The following ANKRD12 variants were observed in gnomAD, a reference collection of about 807,000 sequenced individuals.
ANKRD12 encodes the protein ankyrin repeat domain 12, also known as ankyrin repeat domain-containing protein 12.
Under a neutral mutation model 183.4 loss-of-function variants are expected in ANKRD12, and 85 were observed. That is an observed-to-expected ratio of 0.46 (90% CI 0.39 to 0.56). The LOEUF is 0.56. ANKRD12 is among the 20% of genes least tolerant of loss of function. ANKRD12 has a pLI of 0.00. For synonymous variants in ANKRD12, 914 were observed against 800.2 expected, an observed-to-expected ratio of 1.14 and a Z score of -2.40; for missense variants, 2,405 against 2,357.1, an observed-to-expected ratio of 1.02 and a Z score of -0.42.
At chr18:9,277,635 G>A (rs903503970) in intron 11 of ANKRD12, among the ~76,000 whole-genome samples, 2 of 151,740 alleles carry the variant, frequency 1.3e-5, no homozygotes, top group Non-Finnish European at 2.9e-5. Flanking sequence ...CCGACACCCT[G>A]TTTCTTAAAA....
Position 9,285,093 on chromosome 18 carries a change from C to T in ANKRD12, c.*3967C>T, listed in dbSNP as rs2040192692. 6.6e-6 allele frequency: 1 copy of T among 152,194 alleles called. No homozygotes were observed. Among genetic ancestry groups the T allele is most frequent in the South Asian group, 2.1e-4 (1 of 4,832 alleles). The allele number at this position is 152,194 out of a possible 1,614,324, so 9.4% of individuals were successfully genotyped here. On this transcript the variant is annotated 3_prime_UTR_variant, in exon 13 of 13. Coordinates refer to ENST00000262126, the MANE Select transcript of ANKRD12 (RefSeq NM_015208.5). ...GTGTGGCCGCGGGCGCCTGTAGTTCCAGCTACTCGGGAGGCTGAGGCAGGA... is the reference window on the plus strand; with the variant it reads ...GTGTGGCCGCGGGCGCCTGTAGTTCTAGCTACTCGGGAGGCTGAGGCAGGA...
rs146589754 is a variant in ANKRD12 at position 9,257,452 on chromosome 18, G to C, written c.4185G>C (p.Val1395=). ...DRNLIKNTAP[V]NTVMDSPVHL... ...ATCTCATCAAGAATACTGCCCCAGT[G>C]AACACTGTAATGGACAGTCCAGTGC... Residue 1395 remains valine, a synonymous_variant, in exon 9 of 13, where the codon GTG becomes GTC. Transcript: ENST00000262126. The C allele has an allele frequency of 6.2e-7, 1 of 1,614,074 alleles. No homozygotes were observed. Among genetic ancestry groups the C allele is most frequent in the South Asian group, 1.1e-5 (1 of 91,068 alleles).
intron 10 of ANKRD12, among the ~76,000 whole-genome samples, chr18:9,266,899 TC>T (rs1181459488): frequency 6.6e-6 from 1 of 151,768 alleles, no homozygotes; most frequent in Non-Finnish European, 1.5e-5. Flanking sequence ...ACACATAGGC[TC>T]AAAATAAAGT....
At chr18:9,236,502 C>T (rs993362003) in intron 8 of ANKRD12, among the ~76,000 whole-genome samples, 7 of 152,172 alleles carry the variant, frequency 4.6e-5, no homozygotes, top group Admixed American at 3.9e-4. Flanking sequence ...GGGGGATAGT[C>T]ACTGTGGAGA....
At chr18:9,227,436 A>T (rs1037373288) in intron 8 of ANKRD12, among the ~76,000 whole-genome samples, 6 of 152,210 alleles carry the variant, frequency 3.9e-5, no homozygotes, top group East Asian at 3.8e-4. Context: ...TCATAGAAGA[A>T]GATGATTCCA....
chr18:9,187,369 G>C (rs956191000), intron 2 of ANKRD12, among the ~76,000 whole-genome samples: 1 of 152,092 alleles, frequency 6.6e-6, no homozygotes, highest in Admixed American at 6.5e-5. Flanking sequence ...GTGCCACTGC[G>C]TTCCAGCCTG....
At chr18:9,139,522 G>A (rs941630754) in intron 1 of ANKRD12, among the ~76,000 whole-genome samples, 1 of 152,080 alleles carries the variant, frequency 6.6e-6, no homozygotes, top group Admixed American at 6.6e-5. Flanking sequence ...CCATTCTTAC[G>A]TTTTAGGAGC....
intron 8 of ANKRD12, among the ~76,000 whole-genome samples, chr18:9,234,762 C>T (rs535952862): frequency 1.3e-5 from 2 of 152,254 alleles, no homozygotes; most frequent in African/African-American, 4.8e-5. Flanking sequence ...AGTGCAAGTT[C>T]CCTGTCTGGT....
In ANKRD12 at chr18:9,254,884, C is replaced by T; in HGVS notation, c.1617C>T (p.Ser539=). 6.5e-7 allele frequency: 1 copy of T among 1,536,978 alleles called. No homozygotes were observed. The highest frequency in any genetic ancestry group is 8.7e-7 in the Non-Finnish European group (1 of 1,145,944). Reference sequence around the variant, plus strand: ...CTTCATTACATTTATTTCATATTTCCACTGGTAAATCTCCCAAACATTCTT... The same window carrying T: ...CTTCATTACATTTATTTCATATTTCTACTGGTAAATCTCCCAAACATTCTT... The part of the protein sequence containing the change: ...DDTSLHLFHI[S]TGKSPKHSCG... Residue 539 remains serine (S), a synonymous_variant, in exon 9 of 13, where the codon TCC becomes TCT. Coordinates refer to ENST00000262126, the MANE Select transcript of ANKRD12 (RefSeq NM_015208.5).
At chr18:9,180,542 G>A (rs1282586388) in intron 1 of ANKRD12, among the ~76,000 whole-genome samples, 2 of 151,636 alleles carry the variant, frequency 1.3e-5, no homozygotes, top group Non-Finnish European at 2.9e-5. Flanking sequence ...TGGATTATTT[G>A]TACATTTTTT....
intron 1 of ANKRD12, among the ~76,000 whole-genome samples, chr18:9,163,500 T>C (rs759232575): frequency 2.6e-5 from 4 of 152,206 alleles, no homozygotes; most frequent in Non-Finnish European, 4.4e-5. Flanking sequence ...CTTAGGATTG[T>C]CTTGGCTATA....
chr18:9,247,155 T>A (rs1250691784), intron 8 of ANKRD12, among the ~76,000 whole-genome samples: 1 of 152,164 alleles, frequency 6.6e-6, no homozygotes, highest in Non-Finnish European at 1.5e-5. Flanking sequence ...TTTGTTTGTT[T>A]GTTTGTTTGT....
chr18:9,146,771 C>T, intron 1 of ANKRD12, among the ~76,000 whole-genome samples: 1 of 152,134 alleles, frequency 6.6e-6, no homozygotes, highest in Non-Finnish European at 1.5e-5. Context: ...TACATTAAAC[C>T]AGTTTAAAGT....
In ANKRD12 at chr18:9,195,545, T is replaced by C; in HGVS notation, c.88-6T>C. 6.3e-7 allele frequency: 1 copy of C among 1,587,986 alleles called. No homozygotes were observed. Among genetic ancestry groups the C allele is most frequent in the Non-Finnish European group, 8.6e-7 (1 of 1,166,278 alleles). Reference sequence around the variant, plus strand: ...TATAACTTTACTCTATTTGACTTTTTAATAGAGTAAAGACAAGATTGCATC... The same window carrying C: ...TATAACTTTACTCTATTTGACTTTTCAATAGAGTAAAGACAAGATTGCATC... On this transcript the variant is annotated splice_region_variant and splice_polypyrimidine_tract_variant and intron_variant, in intron 2 of 12. Transcript: ENST00000262126.
intron 11 of ANKRD12, among the ~76,000 whole-genome samples, chr18:9,275,926 A>G (rs2039812402): frequency 6.6e-6 from 1 of 152,246 alleles, no homozygotes; most frequent in African/African-American, 2.4e-5. Flanking sequence ...TTACAGGTAC[A>G]CATAATTTGT....
chr18:9,239,726 GTA>G (rs2037550555), intron 8 of ANKRD12, among the ~76,000 whole-genome samples: 1 of 152,138 alleles, frequency 6.6e-6, no homozygotes, highest in Non-Finnish European at 1.5e-5. Context: ...ATAGATGTTT[GTA>G]TATATGAAGC....
At chr18:9,265,593 G>C (rs189331956) in intron 10 of ANKRD12, among the ~76,000 whole-genome samples, 22 of 152,186 alleles carry the variant, frequency 1.4e-4, no homozygotes, top group African/African-American at 5.3e-4. Context: ...CTAACAAACA[G>C]AAAGGACATC....
At chr18:9,173,153 T>C (rs2032912348) in intron 1 of ANKRD12, among the ~76,000 whole-genome samples, 1 of 148,046 alleles carries the variant, frequency 6.8e-6, no homozygotes, top group Non-Finnish European at 1.5e-5. Context: ...CACTGCAACC[T>C]CCGCCTCCCG....
chr18:9,246,818 A>G (rs1160084692), intron 8 of ANKRD12, among the ~76,000 whole-genome samples: 1 of 152,236 alleles, frequency 6.6e-6, no homozygotes. Context: ...GGCACTTTAC[A>G]TAAATTAGTT....
Sources: allele counts gnomAD v4.1 joint callset (sites outside exome capture counted in the v4.1 genomes callset), GRCh38; gene constraint gnomAD v4.1.1; transcripts MANE v1.5; gene names NCBI Gene and HGNC (gene_info 2026-07-23, HGNC 2026-07-21).